Variants in FLT3LG observed in about 807,000 individuals in gnomAD.
The protein encoded by FLT3LG is fms-related tyrosine kinase 3 ligand.
A neutral mutation model predicts 30.9 loss-of-function variants in FLT3LG; 8 were observed. The observed-to-expected ratio is 0.26, with a 90% confidence interval of 0.15 to 0.47. The LOEUF (loss-of-function observed/expected upper bound fraction) is 0.47. Among genes scored for constraint, FLT3LG ranks in the 20% least tolerant of loss-of-function variants. The pLI is 0.99. For synonymous variants in FLT3LG, 123 were observed against 135.9 expected (o/e 0.91, Z 0.66); for missense variants, 278 against 306.2 (o/e 0.91, Z 0.69).
chr19:49,483,558 C>CA lies in FLT3LG; in HGVS notation c.*22-2451dup, dbSNP rs555010630. On this transcript the variant is annotated intron_variant, in intron 8 of 8. Coordinates refer to ENST00000597551, the MANE Select transcript of FLT3LG (RefSeq NM_001459.4). ...GCCACATGGTGAAACCCCATCTCTA[C>CA]AAAAAATTTTAAAAAGTAGCTGGGT... Among the ~76,000 whole-genome samples the CA allele has an allele frequency of 4.6e-3, 691 of 151,840 alleles. 2 individuals are homozygous for CA. The highest frequency in any genetic ancestry group is 0.016 in the African/African-American group (668 of 41,412).
intron 8 of FLT3LG, among the ~76,000 whole-genome samples, chr19:49,482,796 T>G (rs896819058): frequency 1.3e-5 from 2 of 151,728 alleles, no homozygotes; most frequent in African/African-American, 4.8e-5. Context: ...CCCGGCTAAT[T>G]TTTTGTGTTT....
Position 49,478,159 on chromosome 19 carries a change from T to TATAAATAAATAA in FLT3LG, c.343-734_343-723dup, listed in dbSNP as rs60871456. Among the ~76,000 whole-genome samples the TATAAATAAATAA allele has an allele frequency of 4.7e-3, 663 of 140,400 alleles. 2 individuals carry two copies. Among genetic ancestry groups the TATAAATAAATAA allele is most frequent in the African/African-American group, 0.012 (444 of 38,126 alleles). 92.1% of individuals were successfully genotyped at this position (140,400 alleles called of 152,430 possible). A position where few individuals can be genotyped will look rare whatever the true frequency, so the allele number is the denominator to read the frequency against. On this transcript the variant is annotated intron_variant, in intron 5 of 8. Transcript: ENST00000597551. ...GAGAAACCCCGTTTCTACTAAAAAA[T>TATAAATAAATAA]ATAAATAAATAAATAAATAAATAAA...
intron 6 of FLT3LG, among the ~76,000 whole-genome samples, chr19:49,479,456 A>G (rs929941804): frequency 3.3e-5 from 5 of 149,346 alleles, no homozygotes; most frequent in African/African-American, 1.2e-4. Context: ...TGGCCTCCCA[A>G]AGTGCTGGGA....
chr19:49,479,199 T>TTA (rs2079509208), intron 6 of FLT3LG, 152 bp downstream of exon 6: 1 of 698,166 alleles, frequency 1.4e-6, no homozygotes, highest in Non-Finnish European at 2.1e-6. Flanking sequence ...TACCAATTTT[T>TTA]TTTTTTTTTT....
chr19:49,474,672 A>C lies in FLT3LG; in HGVS notation c.33A>C (p.Thr11=), dbSNP rs75750998. 1.2e-5 allele frequency: 19 copies of C among 1,612,228 alleles called. No individual in the cohort carries two copies. Among genetic ancestry groups the C allele is most frequent in the Non-Finnish European group, 1.6e-5 (19 of 1,179,610 alleles). Residue 11 remains threonine, a splice_region_variant and synonymous_variant, in exon 2 of 9, where the codon ACA becomes ACC. Coordinates refer to ENST00000597551, the MANE Select transcript of FLT3LG (RefSeq NM_001459.4). ...TGCTGGCGCCAGCCTGGAGCCCAAC[A>C]GTGCGTAAACCCCAGGGACAAGATC... MTVLAPAWSP[T]TYLLLLLLLS...
At position 49,476,208 on chromosome 19, in the gene FLT3LG, G is replaced by C; in HGVS notation, c.198+10G>C. The stretch of plus-strand genomic sequence containing the variant: ...CTCCAACCTGCAGGACGTAAGTCAT[G>C]TTGGGAGGGACCTGGGATGGAGGTG... On this transcript the variant is annotated intron_variant, in intron 4 of 8. Coordinates refer to ENST00000597551, the MANE Select transcript of FLT3LG (RefSeq NM_001459.4). This position sits in a 1 kb window ranked among gnomAD's most constrained non-coding sequence, Gnocchi z 5.3. 1 of 1,608,490 alleles carries C rather than the reference G, an allele frequency of 6.2e-7. No homozygotes were observed. Among genetic ancestry groups the C allele is most frequent in the Non-Finnish European group, 8.5e-7 (1 of 1,176,268 alleles).
chr19:49,480,497 G>A, intron 7 of FLT3LG, 21 bp downstream of exon 7: 3 of 1,597,014 alleles, frequency 1.9e-6, no homozygotes, highest in Non-Finnish European at 2.6e-6. Context: ...TGGGAAGAGG[G>A]GGTGAGGGGG....
chr19:49,484,208 A>C (rs1425343292), intron 8 of FLT3LG, among the ~76,000 whole-genome samples: 1 of 147,738 alleles, frequency 6.8e-6, no homozygotes, highest in African/African-American at 2.5e-5. Flanking sequence ...TTTTAAGAAA[A>C]GGTAATACAT....
rs1385497250 is a variant in FLT3LG at position 49,480,332 on chromosome 19, G to A, written c.516G>A (p.Arg172=). The change falls in exon 7 of 9, where the codon CGG becomes CGA. Residue 172 remains arginine (R), a synonymous_variant. Transcript: ENST00000597551. The stretch of plus-strand genomic sequence containing the variant: ...CCCTGCCACCCCCATGGAGTCCCCG[G>A]CCCCTGGAGGCCACAGCCCCGACAG... ...SSTLPPPWSP[R]PLEATAPTAP... The A allele has an allele frequency of 2.5e-6, 4 of 1,608,884 alleles. No homozygotes were observed. The highest frequency in any genetic ancestry group is 3.4e-6 in the Non-Finnish European group (4 of 1,177,502).
intron 6 of FLT3LG, 116 bp downstream of exon 6, chr19:49,479,163 C>T: frequency 2.2e-6 from 2 of 929,228 alleles, no homozygotes; most frequent in South Asian, 5.4e-5. Context: ...CAAGGGCAAG[C>T]TTATTCCTCT....
Position 49,476,617 on chromosome 19 carries a change from G to C in FLT3LG, c.342+51G>C. On this transcript the variant is annotated intron_variant, in intron 5 of 8. Transcript: ENST00000597551. The surrounding 1 kb of genome is among the most constrained non-coding windows in gnomAD (Gnocchi z 5.3). ...TGAGGGGAGGGAGATGCCTTCCTAC[G>C]AATTAGAAGTAAAGCTCCACTAGGC... 1 of 1,610,382 alleles carries C rather than the reference G, an allele frequency of 6.2e-7. No homozygotes were observed.
chr19:49,475,884 C>T lies in FLT3LG; in HGVS notation c.144+83C>T, dbSNP rs546355929. The T allele has an allele frequency of 1.0e-4, 132 of 1,300,386 alleles. No individual in the cohort carries two copies. In the African/African-American group the frequency reaches 1.7e-3, roughly 16 times the overall value. 80.6% of individuals were successfully genotyped at this position (1,300,386 alleles called of 1,614,324 possible). A position where few individuals can be genotyped will look rare whatever the true frequency, so the allele number is the denominator to read the frequency against. Reference sequence around the variant, plus strand: ...TTAAGTAGAGATGGGGTCTCTCTCCCTGTGTTTCCCAGGGTGGTCTTGAAC... The same window carrying T: ...TTAAGTAGAGATGGGGTCTCTCTCCTTGTGTTTCCCAGGGTGGTCTTGAAC... On this transcript the variant is annotated intron_variant, in intron 3 of 8. Coordinates refer to ENST00000597551, the MANE Select transcript of FLT3LG (RefSeq NM_001459.4).
rs144504913 is a variant in FLT3LG at position 49,480,094 on chromosome 19, G to A, written c.482-204G>A. Among the ~76,000 whole-genome samples the A allele has an allele frequency of 8.5e-3, 1,295 of 152,288 alleles. 17 individuals are homozygous for A. The highest frequency in any genetic ancestry group is 0.013 in the South Asian group (63 of 4,830). Reference sequence around the variant, plus strand: ...GCTGGGATTATAGGCGTGAGCCACCGCGCTCAGCCTATTCACTCATTTAAT... The same window carrying A: ...GCTGGGATTATAGGCGTGAGCCACCACGCTCAGCCTATTCACTCATTTAAT... On this transcript the variant is annotated intron_variant, in intron 6 of 8. Coordinates refer to ENST00000597551, the MANE Select transcript of FLT3LG (RefSeq NM_001459.4).
In FLT3LG at chr19:49,478,932, C is replaced by A; in HGVS notation, c.366C>A (p.Phe122Leu). The A allele has an allele frequency of 6.4e-7, 1 of 1,551,470 alleles. No homozygotes were observed. The highest frequency in any genetic ancestry group is 8.7e-7 in the Non-Finnish European group (1 of 1,147,604). ...AFQPPPSCLR[F>L]VQTNISRLLQ... ...AGCCCCCCCCCAGCTGTCTTCGCTT[C>A]GTCCAGACCAACATCTCCCGCCTCC... Residue 122 changes from phenylalanine to leucine, a missense_variant, in exon 6 of 9, where the codon TTC becomes TTA. Physicochemically the swap from Phe to Leu is conservative, Grantham distance 22. Transcript: ENST00000597551.
At chr19:49,483,924 G>A (rs1325296766) in intron 8 of FLT3LG, among the ~76,000 whole-genome samples, 5 of 139,644 alleles carry the variant, frequency 3.6e-5, no homozygotes, top group African/African-American at 1.3e-4. Flanking sequence ...TTGCTCTGTC[G>A]CCCAGGGTGG....
rs1031877887 is a variant in FLT3LG, at chr19:49,476,728, C to T, written c.342+162C>T. On this transcript the variant is annotated intron_variant, in intron 5 of 8. Coordinates refer to ENST00000597551, the MANE Select transcript of FLT3LG (RefSeq NM_001459.4). This position sits in a 1 kb window ranked among gnomAD's most constrained non-coding sequence, Gnocchi z 5.3. ...AGAGCCCTGTTCCTACAGAACAACA[C>T]GTCCCCAGGCACCGGTGATGGGGAG... 18 of 887,858 alleles carry T rather than the reference C, an allele frequency of 2.0e-5. No individual in the cohort carries two copies. Among genetic ancestry groups the T allele is most frequent in the Admixed American group, 5.6e-5 (2 of 35,522 alleles). The allele number at this position is 887,858 out of a possible 1,614,324, so 55.0% of individuals were successfully genotyped here.
chr19:49,484,163 G>A (rs1418351424), intron 8 of FLT3LG, among the ~76,000 whole-genome samples: 1 of 149,180 alleles, frequency 6.7e-6, no homozygotes, highest in Non-Finnish European at 1.5e-5. Flanking sequence ...GATTATAGGC[G>A]TGAGCCACCA....
rs1413372247 is a variant in FLT3LG at position 49,475,734 on chromosome 19, G to A, written c.77G>A (p.Gly26Glu). 3 of 1,611,480 alleles carry A rather than the reference G, an allele frequency of 1.9e-6. No individual in the cohort carries two copies. Among genetic ancestry groups the A allele is most frequent in the Non-Finnish European group, 2.5e-6 (3 of 1,179,896 alleles). ...LLLLLSSGLS[G>E]TQDCSFQHSP... ...CTGCTGCTGAGCTCGGGACTCAGTG[G>A]GACCCAGGACTGCTCCTTCCAACAC... Residue 26 changes from glycine to glutamate, a missense_variant, in exon 3 of 9, where the codon GGG becomes GAG. Physicochemically the swap from Gly to Glu is moderately conservative, Grantham distance 98. This residue lies in a region of FLT3LG where 40 missense variants were observed against 34.3 expected (regional missense o/e 1.17). Transcript: ENST00000597551.
intron 8 of FLT3LG, chr19:49,481,043 A>C (rs1413468341): frequency 6.3e-6 from 1 of 158,134 alleles, no homozygotes; most frequent in African/African-American, 2.4e-5. Context: ...AAAAAAAAAA[A>C]AAAAAAGAAA....
Sources: gnomAD v4.1 joint callset for allele counts (sites outside exome capture counted in the v4.1 genomes callset) on GRCh38, gnomAD v4.1.1 for gene constraint, gnomAD v4.1.1 regional missense constraint, Gnocchi (gnomAD v3.1) non-coding constraint, MANE v1.5 for transcripts, NCBI Gene and HGNC (gene_info 2026-07-23, HGNC 2026-07-21) for gene names.